The following WDFY2 variants were observed in gnomAD, a reference collection of about 807,000 sequenced individuals.
WDFY2 encodes WD repeat and FYVE domain-containing protein 2.
In WDFY2, 36 loss-of-function variants were observed where a neutral mutation model predicts 56.4. That is an observed-to-expected ratio of 0.64 (90% confidence interval 0.49 to 0.84). WDFY2 has a LOEUF of 0.84. WDFY2 is among the 40% of genes least tolerant of loss of function. The pLI is 0.00. For missense variants in WDFY2, 444 were observed against 512.2 expected, an observed-to-expected ratio of 0.87 and a Z score of 1.29; for synonymous variants, 176 against 183.7, an observed-to-expected ratio of 0.96 and a Z score of 0.34.
intron 1 of WDFY2, among the ~76,000 whole-genome samples, chr13:51,628,612 A>C (rs566386553): frequency 6.6e-6 from 1 of 151,418 alleles, no homozygotes; most frequent in Admixed American, 6.6e-5. Context: ...CCCTAGCGGC[A>C]CCCCCCCTGC....
At chr13:51,691,606 A>T (rs1956158558) in intron 3 of WDFY2, among the ~76,000 whole-genome samples, 1 of 151,960 alleles carries the variant, frequency 6.6e-6, no homozygotes, top group Non-Finnish European at 1.5e-5. Flanking sequence ...GTAGCCTTGT[A>T]GTATAGTTTG....
intron 8 of WDFY2, among the ~76,000 whole-genome samples, chr13:51,751,790 A>T (rs1953243619): frequency 6.6e-6 from 1 of 152,224 alleles, no homozygotes; most frequent in Admixed American, 6.5e-5. Flanking sequence ...GCTAAGATGA[A>T]GCAAGAATCC....
At chr13:51,755,622 C>G (rs12430600) in intron 9 of WDFY2, among the ~76,000 whole-genome samples, 163 bp downstream of exon 9, 1 of 151,948 alleles carries the variant, frequency 6.6e-6, no homozygotes, top group African/African-American at 2.4e-5. Context: ...CTACCATAGC[C>G]CATTCCTACT....
chr13:51,643,472 T>A (rs1004859431), intron 1 of WDFY2, among the ~76,000 whole-genome samples: 2 of 152,196 alleles, frequency 1.3e-5, no homozygotes, highest in Admixed American at 6.5e-5. Context: ...CCTCCCACTG[T>A]GTATAGAGCC....
At chr13:51,694,475 T>G (rs1951818417) in intron 3 of WDFY2, among the ~76,000 whole-genome samples, 1 of 152,236 alleles carries the variant, frequency 6.6e-6, no homozygotes, top group Non-Finnish European at 1.5e-5. Context: ...AATTCTGGGT[T>G]GAAAATTCTT....
At chr13:51,652,117 G>A (rs1254634755) in intron 1 of WDFY2, among the ~76,000 whole-genome samples, 2 of 152,260 alleles carry the variant, frequency 1.3e-5, no homozygotes, top group South Asian at 2.1e-4. Flanking sequence ...ATTTAGGATA[G>A]GTAGCTCTTC....
Position 51,719,353 on chromosome 13 carries a change from C to G in WDFY2, c.485+5C>G, listed in dbSNP as rs1367157599. The G allele has an allele frequency of 6.5e-7, 1 of 1,549,916 alleles. No individual in the cohort carries two copies. Among genetic ancestry groups the G allele is most frequent in the Admixed American group, 2.1e-5 (1 of 47,062 alleles). On this transcript the variant is annotated splice_donor_5th_base_variant and intron_variant, in intron 5 of 11. Transcript: ENST00000298125. ...TGCTGTGGCCTCAGGCCTGCAGTAT[C>G]CTTTGCTGGACAAAAATCTCTTAGT...
chr13:51,677,407 G>A (rs187294844), intron 3 of WDFY2, among the ~76,000 whole-genome samples: 1 of 152,276 alleles, frequency 6.6e-6, no homozygotes, highest in Admixed American at 6.5e-5. Flanking sequence ...TTAAGGTTCA[G>A]GATTCACATT....
At chr13:51,630,809 G>C (rs1269708245) in intron 1 of WDFY2, among the ~76,000 whole-genome samples, 1 of 135,248 alleles carries the variant, frequency 7.4e-6, no homozygotes, top group East Asian at 2.2e-4. Flanking sequence ...AGAGTTTTTT[G>C]CTCTTGTCAC....
chr13:51,584,505 C>G lies in WDFY2; in HGVS notation c.-183C>G. 1.3e-6 allele frequency: 1 copy of G among 788,264 alleles called. No homozygotes were observed. Among genetic ancestry groups the G allele is most frequent in the Non-Finnish European group, 1.9e-6 (1 of 527,946 alleles). The allele number at this position is 788,264 out of a possible 1,614,324, so 48.8% of individuals were successfully genotyped here. On this transcript the variant is annotated 5_prime_UTR_variant, in exon 1 of 12. Transcript: ENST00000298125. ...ATCCCAGGTCGTGGCGGTTTTGGTG[C>G]CTGAAGCAGGGAGCGCGGAGTCGTT...
intron 5 of WDFY2, among the ~76,000 whole-genome samples, chr13:51,725,941 C>T (rs1457770417): frequency 6.6e-6 from 1 of 152,172 alleles, no homozygotes; most frequent in Non-Finnish European, 1.5e-5. Context: ...TCCCAAAGTG[C>T]TGGGATTACA....
In WDFY2 at chr13:51,684,539, A is replaced by G. The variant is rs563593215; in HGVS notation, c.279+9296A>G. ...TGTGGCTTAATTATCCTATACCTAC[A>G]GTTCTCAAGACTGTGGCCCATTCTG... On this transcript the variant is annotated intron_variant, in intron 3 of 11. Coordinates refer to ENST00000298125, the MANE Select transcript of WDFY2 (RefSeq NM_052950.4). Among the ~76,000 whole-genome samples, 7 of 152,128 alleles carry G rather than the reference A, an allele frequency of 4.6e-5. No individual in the cohort carries two copies. The East Asian group carries it at 1.2e-3, about 25-fold the overall frequency.
At chr13:51,611,194 T>C (rs1954495644) in intron 1 of WDFY2, among the ~76,000 whole-genome samples, 1 of 152,238 alleles carries the variant, frequency 6.6e-6, no homozygotes, top group South Asian at 2.1e-4. Flanking sequence ...TACTGCCTGG[T>C]ACATAGTAGG....
Position 51,680,268 on chromosome 13 carries a change from A to G in WDFY2, c.279+5025A>G, listed in dbSNP as rs142806948. Among the ~76,000 whole-genome samples the G allele has an allele frequency of 7.7e-4, 117 of 152,000 alleles. 1 individual carries two copies. The East Asian group carries it at 0.021, about 27-fold the overall frequency. Reference sequence around the variant, plus strand: ...AGATGTGCACCACCATACCTGGCTAATGTTTTGGCTTTTTTCGTAGATGGG... The same window carrying G: ...AGATGTGCACCACCATACCTGGCTAGTGTTTTGGCTTTTTTCGTAGATGGG... On this transcript the variant is annotated intron_variant, in intron 3 of 11. Transcript: ENST00000298125.
intron 4 of WDFY2, among the ~76,000 whole-genome samples, chr13:51,717,771 C>G (rs187517679): frequency 1.3e-5 from 2 of 152,000 alleles, no homozygotes; most frequent in Admixed American, 1.3e-4. Context: ...ACTGGTACTC[C>G]GAAAGCAGTT....
chr13:51,599,329 ATC>A (rs1474522901), intron 1 of WDFY2: 3 of 152,322 alleles, frequency 2.0e-5, no homozygotes, highest in Non-Finnish European at 4.4e-5. Context: ...GGACTATCAT[ATC>A]TCTGTGCAGA....
intron 1 of WDFY2, among the ~76,000 whole-genome samples, chr13:51,654,419 C>G (rs1955467392): frequency 6.6e-6 from 1 of 152,208 alleles, no homozygotes; most frequent in East Asian, 1.9e-4. Context: ...CCTGCACTCA[C>G]TGTCCGACAA....
rs531108170 is a variant in WDFY2, at chr13:51,643,210, G to A, written c.138-17386G>A. Among the ~76,000 whole-genome samples the A allele has an allele frequency of 5.1e-4, 77 of 152,180 alleles. 1 individual carries two copies. Among genetic ancestry groups the A allele is most frequent in the South Asian group, 1.5e-3 (7 of 4,812 alleles). On this transcript the variant is annotated intron_variant, in intron 1 of 11. Coordinates refer to ENST00000298125, the MANE Select transcript of WDFY2 (RefSeq NM_052950.4). ...CCAGAATTTTTTCATCATCCCAAGCGGAAATTCTGTATCCATTACACAATC... is the reference window on the plus strand; with the variant it reads ...CCAGAATTTTTTCATCATCCCAAGCAGAAATTCTGTATCCATTACACAATC...
At chr13:51,656,047 CT>C (rs1955502209) in intron 1 of WDFY2, among the ~76,000 whole-genome samples, 1 of 143,224 alleles carries the variant, frequency 7.0e-6, no homozygotes, top group South Asian at 2.2e-4. Context: ...GATTCTCTAT[CT>C]TTCCCTTTTT....
Sources: gnomAD v4.1 joint callset for allele counts (sites outside exome capture counted in the v4.1 genomes callset) on GRCh38, gnomAD v4.1.1 for gene constraint, MANE v1.5 for transcripts, NCBI Gene and HGNC (gene_info 2026-07-23, HGNC 2026-07-21) for gene names.